Variants in ZFHX3 observed in about 807,000 individuals in gnomAD.
The protein encoded by ZFHX3 is zinc finger homeobox 3, also known as zinc finger homeobox protein 3.
Under a neutral mutation model 279.1 loss-of-function variants are expected in ZFHX3, and 42 were observed. The observed-to-expected ratio is 0.15, with a 90% confidence interval of 0.12 to 0.19. The LOEUF (loss-of-function observed/expected upper bound fraction) is 0.19. Among genes scored for constraint, ZFHX3 ranks in the 10% least tolerant of loss-of-function variants. ZFHX3 has a pLI of 1.00. For missense variants in ZFHX3, 4,981 were observed against 4,754.0 expected (o/e 1.05, Z -1.40); for synonymous variants, 2,293 against 1,957.8 (o/e 1.17, Z -4.52).
At chr16:73,557,736 G>A (rs1425726111) in intron 2 of ZFHX3, among the ~76,000 whole-genome samples, 1 of 152,056 alleles carries the variant, frequency 6.6e-6, no homozygotes. Flanking sequence ...TTTAAGACCT[G>A]TATTTTGTGC....
rs1597284259 is a variant in ZFHX3 at position 73,323,790 on chromosome 16, A to G, written c.-1290-5454T>C. On this transcript the variant is annotated intron_variant, in intron 3 of 17. Coordinates refer to the ZFHX3 transcript ENST00000641206. The stretch of plus-strand genomic sequence containing the variant: ...GAAGACTCTGAGAGAGCAAACAGAC[A>G]TTCTGGGTAGAGCAGTGGGTAGCTA... 2.6e-5 allele frequency among the ~76,000 whole-genome samples: 4 copies of G among 152,224 alleles called. No individual in the cohort carries two copies. The South Asian group carries it at 8.3e-4, about 32-fold the overall frequency.
chr16:73,673,723 G>A (rs537085595), intron 2 of ZFHX3, among the ~76,000 whole-genome samples: 33 of 152,328 alleles, frequency 2.2e-4, no homozygotes, highest in Admixed American at 1.1e-3. Context: ...TTGAAGTGCT[G>A]AGCTGGACTT....
chr16:73,728,731 C>T (rs2053543069), intron 1 of ZFHX3, among the ~76,000 whole-genome samples: 1 of 151,788 alleles, frequency 6.6e-6, no homozygotes, highest in African/African-American at 2.4e-5. Flanking sequence ...AAAAGAGCCC[C>T]CTGCCTCTGC....
chr16:72,907,070 G>A (rs909944411), intron 3 of ZFHX3, among the ~76,000 whole-genome samples: 1 of 152,148 alleles, frequency 6.6e-6, no homozygotes, highest in Non-Finnish European at 1.5e-5. Flanking sequence ...CACACCAGTG[G>A]GCAAGTGATG....
At chr16:73,759,015 C>T (rs890262803) in intron 1 of ZFHX3, among the ~76,000 whole-genome samples, 6 of 152,236 alleles carry the variant, frequency 3.9e-5, no homozygotes, top group Admixed American at 6.5e-5. Flanking sequence ...CAAAGCCTCA[C>T]TGTTAACCAC....
intron 6 of ZFHX3, chr16:73,143,740 G>C: frequency 7.7e-7 from 1 of 1,304,726 alleles, no homozygotes; most frequent in East Asian, 5.6e-5. Context: ...AAACAAGAAA[G>C]CTGGAACTCA....
chr16:73,440,328 G>A (rs938301757), intron 3 of ZFHX3, among the ~76,000 whole-genome samples: 1 of 152,164 alleles, frequency 6.6e-6, no homozygotes, highest in African/African-American at 2.4e-5. Context: ...TGTCCAAGAG[G>A]CATTTGAGTC....
chr16:73,258,672 G>GAA (rs1222029802), intron 4 of ZFHX3, among the ~76,000 whole-genome samples: 2 of 152,076 alleles, frequency 1.3e-5, no homozygotes, highest in African/African-American at 4.8e-5. Flanking sequence ...TAAGCATTTG[G>GAA]AAAAGTACAG....
At chr16:72,791,826 T>A (rs993664328) in intron 9 of ZFHX3, among the ~76,000 whole-genome samples, 2 of 152,192 alleles carry the variant, frequency 1.3e-5, no homozygotes, top group African/African-American at 4.8e-5. Context: ...CTTATTCTCT[T>A]TGAATAAGAA....
intron 4 of ZFHX3, among the ~76,000 whole-genome samples, chr16:73,262,336 C>A (rs565402597): frequency 6.6e-6 from 1 of 152,326 alleles, no homozygotes; most frequent in South Asian, 2.1e-4. Flanking sequence ...TGATCCCATA[C>A]TTCACATAAG....
At chr16:73,511,687 C>CAGAT (rs1385152448) in intron 2 of ZFHX3, among the ~76,000 whole-genome samples, 4 of 152,028 alleles carry the variant, frequency 2.6e-5, no homozygotes, top group African/African-American at 9.7e-5. Flanking sequence ...TCCAACATGG[C>CAGAT]AGATAGAGCA....
intron 2 of ZFHX3, among the ~76,000 whole-genome samples, chr16:73,469,836 T>C (rs2018634562): frequency 6.6e-6 from 1 of 152,144 alleles, no homozygotes; most frequent in Non-Finnish European, 1.5e-5. Flanking sequence ...CAGCCTGGTC[T>C]CGAACTCCTG....
chr16:72,831,800 T>C (rs1216979199), intron 4 of ZFHX3, among the ~76,000 whole-genome samples: 1 of 152,206 alleles, frequency 6.6e-6, no homozygotes, highest in East Asian at 1.9e-4. Context: ...GGACCCTTAT[T>C]TGTCCCAATA....
At chr16:73,854,420 G>A (rs774938461) in intron 1 of ZFHX3, among the ~76,000 whole-genome samples, 20 of 151,986 alleles carry the variant, frequency 1.3e-4, no homozygotes, top group Non-Finnish European at 1.8e-4. Flanking sequence ...CCAGCTACTC[G>A]GGAGGCTGAG....
intron 3 of ZFHX3, chr16:73,402,033 A>G (rs1408349423): frequency 6.6e-6 from 1 of 152,250 alleles, no homozygotes; most frequent in Non-Finnish European, 1.5e-5. Context: ...TCAAAATACT[A>G]GTCCAGGAAA....
rs527806599 is a variant in ZFHX3, at chr16:73,837,785, C to A, written c.-1608+53866G>T. Among the ~76,000 whole-genome samples the A allele has an allele frequency of 1.6e-3, 244 of 152,262 alleles. 1 individual carries two copies. The highest frequency in any genetic ancestry group is 5.7e-3 in the African/African-American group (235 of 41,548). On this transcript the variant is annotated intron_variant, in intron 1 of 17. Transcript: ENST00000641206. ...ATGAGTAGCTGGGATTACAGGCATG[C>A]GCCACCACGCCCGGCTAATTTGGTA...
At chr16:73,218,400 G>C (rs1466275287) in intron 5 of ZFHX3, among the ~76,000 whole-genome samples, 1 of 152,206 alleles carries the variant, frequency 6.6e-6, no homozygotes, top group African/African-American at 2.4e-5. Flanking sequence ...GCTGGCTGCA[G>C]GGACGACCCA....
intron 4 of ZFHX3, among the ~76,000 whole-genome samples, chr16:72,843,616 CG>C (rs1280383878): frequency 6.7e-6 from 1 of 149,986 alleles, no homozygotes; most frequent in African/African-American, 2.5e-5. Flanking sequence ...AAGAAGTGCT[CG>C]GGGTGACGCT....
chr16:72,855,534 A>C (rs2037734232), intron 4 of ZFHX3, among the ~76,000 whole-genome samples: 1 of 152,258 alleles, frequency 6.6e-6, no homozygotes, highest in Non-Finnish European at 1.5e-5. Flanking sequence ...CAGAGGAACG[A>C]AAACGGATTC....
Sources: allele counts gnomAD v4.1 joint callset (sites outside exome capture counted in the v4.1 genomes callset), GRCh38; gene constraint gnomAD v4.1.1; transcripts MANE v1.5; gene names NCBI Gene and HGNC (gene_info 2026-07-23, HGNC 2026-07-21).